SMOC1: variants seen among roughly 807,000 people sequenced by gnomAD.
SMOC1 encodes the protein SPARC related modular calcium binding 1.
In SMOC1, 22 loss-of-function variants were observed where a neutral mutation model predicts 56.3. The ratio of observed to expected loss-of-function variants is 0.39; its 90% CI spans 0.28 to 0.56. SMOC1 has a LOEUF of 0.56. Ranked by LOEUF, SMOC1 falls within the 20% of genes least tolerant of loss-of-function variation. The pLI, the probability that SMOC1 is intolerant of heterozygous loss-of-function variation, is 0.61. For synonymous variants in SMOC1, 193 were observed against 215.0 expected (o/e 0.90, Z 0.89); for missense variants, 509 against 565.4 (o/e 0.90, Z 1.01).
At chr14:69,911,989 G>A (rs1884567549) in intron 1 of SMOC1, among the ~76,000 whole-genome samples, 1 of 152,154 alleles carries the variant, frequency 6.6e-6, no homozygotes, top group Admixed American at 6.5e-5. Context: ...GAGGGGTCTA[G>A]TTGCTCTGCA....
chr14:69,925,092 G>A (rs143952572), intron 1 of SMOC1, among the ~76,000 whole-genome samples: 637 of 6,916 alleles, frequency 0.092, 227 homozygotes, highest in East Asian at 0.62. Flanking sequence ...GGAGAGGTAG[G>A]GGAGGTAGGG....
Position 69,897,720 on chromosome 14 carries a change from T to C in SMOC1, c.99+17943T>C, listed in dbSNP as rs887354342. Among the ~76,000 whole-genome samples, 4 of 152,338 alleles carry C rather than the reference T, an allele frequency of 2.6e-5. No homozygotes were observed. The Middle Eastern group carries it at 0.01, about 389-fold the overall frequency. ...ATTCCTAATTCCTCTCTCCCATCTC[T>C]TGTATCATGCTGTCATTTATTTAAC... On this transcript the variant is annotated intron_variant, in intron 1 of 11. Coordinates refer to ENST00000361956, the MANE Select transcript of SMOC1 (RefSeq NM_001034852.3).
At chr14:69,930,200 G>A (rs1013068786) in intron 1 of SMOC1, among the ~76,000 whole-genome samples, 1 of 151,336 alleles carries the variant, frequency 6.6e-6, no homozygotes, top group African/African-American at 2.4e-5. Context: ...TCCCCTGACA[G>A]CACCCTTCTC....
chr14:69,903,239 G>C (rs1375419486), intron 1 of SMOC1, among the ~76,000 whole-genome samples: 2 of 152,046 alleles, frequency 1.3e-5, no homozygotes, highest in South Asian at 4.1e-4. Flanking sequence ...CGCCCCGTCT[G>C]GGATGTGAGG....
intron 1 of SMOC1, among the ~76,000 whole-genome samples, chr14:69,947,257 A>C (rs1484060979): frequency 2.0e-5 from 3 of 151,578 alleles, no homozygotes; most frequent in African/African-American, 7.3e-5. Flanking sequence ...TGCAGCCTTC[A>C]CCTCTTAGCT....
In SMOC1 at chr14:69,992,479, A is replaced by G; in HGVS notation, c.583+6A>G. 6.2e-7 allele frequency: 1 copy of G among 1,608,848 alleles called. No homozygotes were observed. The highest frequency in any genetic ancestry group is 8.5e-7 in the Non-Finnish European group (1 of 1,175,206). The stretch of plus-strand genomic sequence containing the variant: ...GCCGGTGTTCGATGGAGATGGTAAG[A>G]TCTTGCATTACTTCTGATGTTCATT... On this transcript the variant is annotated splice_donor_region_variant and intron_variant, in intron 6 of 11. Coordinates refer to ENST00000361956, the MANE Select transcript of SMOC1 (RefSeq NM_001034852.3).
At chr14:69,992,281 T>G in intron 5 of SMOC1, 136 bp from the exon 6 acceptor site, 1 of 771,386 alleles carries the variant, frequency 1.3e-6, no homozygotes, top group Non-Finnish European at 2.2e-6. Flanking sequence ...TTCTTTTGTT[T>G]CTTTTTCTTT....
chr14:69,983,134 G>T (rs1049128387), intron 5 of SMOC1, among the ~76,000 whole-genome samples: 4 of 152,170 alleles, frequency 2.6e-5, no homozygotes, highest in African/African-American at 9.7e-5. Context: ...GTATTCCAGG[G>T]TCTCTGAAGA....
intron 1 of SMOC1, among the ~76,000 whole-genome samples, chr14:69,898,714 C>T (rs986294755): frequency 1.5e-4 from 23 of 152,106 alleles, no homozygotes; most frequent in Non-Finnish European, 1.3e-4. Context: ...CATTAGAGCC[C>T]TTAGCATATT....
chr14:69,898,764 A>G (rs527683003), intron 1 of SMOC1, among the ~76,000 whole-genome samples: 20 of 152,198 alleles, frequency 1.3e-4, no homozygotes, highest in Non-Finnish European at 2.5e-4. Flanking sequence ...AATAATTCCA[A>G]CATCTCAGCC....
chr14:70,022,536 C>G (rs1487484894), intron 10 of SMOC1, among the ~76,000 whole-genome samples: 1 of 152,270 alleles, frequency 6.6e-6, no homozygotes, highest in Non-Finnish European at 1.5e-5. Context: ...TAGGTCCCGG[C>G]TTTTCCAGTT....
intron 3 of SMOC1, among the ~76,000 whole-genome samples, chr14:69,970,782 T>C (rs2139488542): frequency 6.6e-6 from 1 of 152,286 alleles, no homozygotes; most frequent in East Asian, 1.9e-4. Context: ...TCACCTGCCT[T>C]GTTGGGAGTG....
intron 1 of SMOC1, among the ~76,000 whole-genome samples, chr14:69,895,828 C>T (rs1009775392): frequency 8.9e-6 from 1 of 112,794 alleles, no homozygotes; most frequent in Admixed American, 1.0e-4. Flanking sequence ...TTGCTGATTC[C>T]CAGTTTGTAC....
intron 1 of SMOC1, among the ~76,000 whole-genome samples, chr14:69,918,928 T>C (rs1884758468): frequency 6.6e-6 from 1 of 152,138 alleles, no homozygotes. Flanking sequence ...CAGAAGGAAA[T>C]AGCCTCTTTC....
At chr14:69,966,968 T>C (rs1883599836) in intron 3 of SMOC1, among the ~76,000 whole-genome samples, 1 of 152,230 alleles carries the variant, frequency 6.6e-6, no homozygotes, top group Non-Finnish European at 1.5e-5. Context: ...CTTCTGAGTC[T>C]AATTTGCCAA....
chr14:69,933,159 G>T (rs985665847), intron 1 of SMOC1, among the ~76,000 whole-genome samples: 1 of 152,138 alleles, frequency 6.6e-6, no homozygotes, highest in African/African-American at 2.4e-5. Flanking sequence ...ACATCTTTAC[G>T]ATATAGTTTT....
At chr14:69,969,734 C>T (rs1883693756) in intron 3 of SMOC1, among the ~76,000 whole-genome samples, 1 of 152,182 alleles carries the variant, frequency 6.6e-6, no homozygotes, top group Non-Finnish European at 1.5e-5. Context: ...AGGGATAAAT[C>T]ATTAATTGAT....
intron 1 of SMOC1, among the ~76,000 whole-genome samples, chr14:69,881,053 C>G (rs186354312): frequency 2.6e-5 from 4 of 152,272 alleles, no homozygotes; most frequent in Middle Eastern, 3.4e-3. Context: ...GCTTTTATGA[C>G]CAGATGTGCA....
chr14:70,002,862 G>A (rs960384362), intron 7 of SMOC1, among the ~76,000 whole-genome samples: 2 of 152,222 alleles, frequency 1.3e-5, no homozygotes, highest in African/African-American at 2.4e-5. Context: ...ATCATGGAGT[G>A]CAGCAACCCT....
Sources: allele counts gnomAD v4.1 joint callset (sites outside exome capture counted in the v4.1 genomes callset), GRCh38; gene constraint gnomAD v4.1.1; transcripts MANE v1.5; gene names NCBI Gene and HGNC (gene_info 2026-07-23, HGNC 2026-07-21).